IMMP2L: variants seen among roughly 807,000 people sequenced by gnomAD.
IMMP2L encodes the protein mitochondrial inner membrane protease subunit 2.
In IMMP2L, 18 loss-of-function variants were observed where a neutral mutation model predicts 19.3. The observed-to-expected ratio is 0.93, with a 90% CI of 0.64 to 1.38. The LOEUF (loss-of-function observed/expected upper bound fraction) is 1.38, where lower values mean the gene tolerates loss of function less well. IMMP2L is among the 40% of genes most tolerant of loss of function. The pLI, the probability that IMMP2L is intolerant of heterozygous loss-of-function variation, is 0.00. For synonymous variants in IMMP2L, 76 were observed against 73.0 expected (o/e 1.04, Z -0.21); for missense variants, 233 against 218.2 (o/e 1.07, Z -0.43).
chr7:110,904,301 G>A (rs1384472115), intron 4 of IMMP2L, among the ~76,000 whole-genome samples: 1 of 151,958 alleles, frequency 6.6e-6, no homozygotes, highest in African/African-American at 2.4e-5. Context: ...TTTACTTTTA[G>A]TGTCATATCC....
At chr7:110,870,000 G>A (rs1355227371) in intron 5 of IMMP2L, among the ~76,000 whole-genome samples, 3 of 151,996 alleles carry the variant, frequency 2.0e-5, no homozygotes, top group African/African-American at 4.8e-5. Flanking sequence ...TTCTTTTGGT[G>A]TCCCCAGATA....
At chr7:111,308,295 CAAAT>C (rs550456308) in intron 3 of IMMP2L, among the ~76,000 whole-genome samples, 16 of 151,608 alleles carry the variant, frequency 1.1e-4, no homozygotes, top group African/African-American at 2.4e-4. Flanking sequence ...TAAGGGTAAA[CAAAT>C]AAAATCTAAA....
At chr7:111,099,889 G>T (rs1797787461) in intron 3 of IMMP2L, 1 of 151,656 alleles carries the variant, frequency 6.6e-6, no homozygotes, top group South Asian at 2.1e-4. Context: ...AGACGAGGAA[G>T]AGGAGGAGAA....
intron 3 of IMMP2L, among the ~76,000 whole-genome samples, chr7:111,304,288 G>A (rs1822584584): frequency 6.6e-6 from 1 of 151,978 alleles, no homozygotes; most frequent in Non-Finnish European, 1.5e-5. Flanking sequence ...TGCAGTTAAA[G>A]CTTTAACAGG....
intron 5 of IMMP2L, among the ~76,000 whole-genome samples, chr7:110,765,647 G>T (rs1798611449): frequency 6.6e-6 from 1 of 152,216 alleles, no homozygotes; most frequent in East Asian, 1.9e-4. Context: ...ACTCATTTGA[G>T]AAATCTTAAA....
chr7:111,399,893 T>C lies in IMMP2L; in HGVS notation c.239+87345A>G, dbSNP rs1833259375. On this transcript the variant is annotated intron_variant, in intron 3 of 5. Coordinates refer to ENST00000405709, the MANE Select transcript of IMMP2L (RefSeq NM_032549.4). ...GTAAGAGAATCAACAAAACATCCTA[T>C]ATTATAAAGAGTAGTTTGACGTTTT... Among the ~76,000 whole-genome samples, 9 of 152,270 alleles carry C rather than the reference T, an allele frequency of 5.9e-5. No homozygotes were observed. The South Asian group carries it at 1.9e-3, about 32-fold the overall frequency.
At chr7:111,231,564 T>C (rs1744904188) in intron 3 of IMMP2L, among the ~76,000 whole-genome samples, 1 of 152,014 alleles carries the variant, frequency 6.6e-6, no homozygotes, top group South Asian at 2.1e-4. Context: ...TCCCCTCTCA[T>C]ACCAGTTGTC....
At chr7:111,415,079 T>C (rs529952802) in intron 3 of IMMP2L, among the ~76,000 whole-genome samples, 4 of 151,980 alleles carry the variant, frequency 2.6e-5, no homozygotes, top group African/African-American at 9.7e-5. Flanking sequence ...CAGAGATGAT[T>C]CTGGGAGTCC....
At chr7:110,771,805 A>G (rs1169380711) in intron 5 of IMMP2L, among the ~76,000 whole-genome samples, 6 of 152,058 alleles carry the variant, frequency 3.9e-5, no homozygotes, top group Non-Finnish European at 5.9e-5. Flanking sequence ...CCTCATAAAA[A>G]CCCTATGAGG....
chr7:110,801,238 T>G (rs1426478446), intron 5 of IMMP2L, among the ~76,000 whole-genome samples: 2 of 152,116 alleles, frequency 1.3e-5, no homozygotes, highest in African/African-American at 4.8e-5. Context: ...TATCTGTTAT[T>G]TACTTAGCTG....
intron 3 of IMMP2L, among the ~76,000 whole-genome samples, chr7:111,034,526 A>G (rs1299756699): frequency 1.3e-5 from 2 of 152,036 alleles, no homozygotes; most frequent in African/African-American, 2.4e-5. Context: ...CTCTATATTT[A>G]TCTATTCATC....
chr7:111,053,819 A>G (rs1249197569), intron 3 of IMMP2L, among the ~76,000 whole-genome samples: 1 of 152,222 alleles, frequency 6.6e-6, no homozygotes, highest in Non-Finnish European at 1.5e-5. Flanking sequence ...TGTCAATTCC[A>G]CAAGACTTAA....
chr7:111,331,341 AC>A (rs1825853538), intron 3 of IMMP2L, among the ~76,000 whole-genome samples: 3 of 151,982 alleles, frequency 2.0e-5, no homozygotes. Context: ...GACAAATATC[AC>A]GTTCTCACTT....
intron 3 of IMMP2L, among the ~76,000 whole-genome samples, chr7:111,224,661 G>A (rs902101876): frequency 3.3e-5 from 5 of 152,062 alleles, no homozygotes; most frequent in South Asian, 2.1e-4. Flanking sequence ...TGAGATCCAT[G>A]AGAACCTTTC....
At chr7:111,028,144 T>C (rs1407379592) in intron 3 of IMMP2L, among the ~76,000 whole-genome samples, 1 of 152,128 alleles carries the variant, frequency 6.6e-6, no homozygotes, top group Non-Finnish European at 1.5e-5. Flanking sequence ...AATAATAGTA[T>C]AACAATTGTT....
intron 5 of IMMP2L, among the ~76,000 whole-genome samples, chr7:110,744,747 C>A (rs1244285510): frequency 6.6e-6 from 1 of 152,166 alleles, no homozygotes; most frequent in Non-Finnish European, 1.5e-5. Flanking sequence ...ATCTGAAGGT[C>A]ATCGACTTCA....
intron 3 of IMMP2L, among the ~76,000 whole-genome samples, chr7:111,321,614 A>G (rs2130501372): frequency 6.6e-6 from 1 of 152,072 alleles, no homozygotes; most frequent in South Asian, 2.1e-4. Context: ...CTTAACTGCA[A>G]ATCAAAATTT....
At chr7:111,302,244 C>T (rs2130022953) in intron 3 of IMMP2L, among the ~76,000 whole-genome samples, 1 of 152,206 alleles carries the variant, frequency 6.6e-6, no homozygotes, top group East Asian at 1.9e-4. Context: ...TACAAACACC[C>T]AAGTTTAATC....
intron 3 of IMMP2L, among the ~76,000 whole-genome samples, chr7:111,272,440 T>C (rs1038611970): frequency 6.6e-5 from 10 of 152,204 alleles, no homozygotes; most frequent in South Asian, 4.1e-4. Flanking sequence ...ACTGCTACTT[T>C]AGTATGATTA....
Sources: gnomAD v4.1 joint callset for allele counts (sites outside exome capture counted in the v4.1 genomes callset) on GRCh38, gnomAD v4.1.1 for gene constraint, MANE v1.5 for transcripts, NCBI Gene and HGNC (gene_info 2026-07-23, HGNC 2026-07-21) for gene names.